Variants in CSMD1 observed in about 807,000 individuals in gnomAD.
The protein encoded by CSMD1 is CUB and sushi domain-containing protein 1.
A neutral mutation model predicts 417.5 loss-of-function variants in CSMD1; 213 were observed. The observed-to-expected ratio is 0.51, with a 90% CI of 0.46 to 0.57. The LOEUF (loss-of-function observed/expected upper bound fraction) is 0.57. CSMD1 is among the 20% of genes least tolerant of loss of function. The probability of loss-of-function intolerance (pLI) is 0.00; values close to 1 mark genes in which losing one functional copy is unlikely to be tolerated. For missense variants in CSMD1, 6,923 were observed against 4,529.7 expected (o/e 1.53, Z -15.17); for synonymous variants, 2,862 against 1,736.8 (o/e 1.65, Z -16.11).
At chr8:4,036,913 G>C (rs1484529105) in intron 3 of CSMD1, among the ~76,000 whole-genome samples, 1 of 151,918 alleles carries the variant, frequency 6.6e-6, no homozygotes, top group Non-Finnish European at 1.5e-5. Flanking sequence ...TGCATGTTAG[G>C]CTCATTGGCA....
intron 3 of CSMD1, among the ~76,000 whole-genome samples, chr8:4,241,821 CT>C (rs1802423880): frequency 1.3e-5 from 2 of 152,000 alleles, no homozygotes; most frequent in East Asian, 1.9e-4. Flanking sequence ...CGCCATTCTC[CT>C]GTCTCAGCCT....
chr8:3,407,819 A>C, intron 14 of CSMD1, 80 bp downstream of exon 14: 1 of 1,229,444 alleles, frequency 8.1e-7, no homozygotes, highest in Non-Finnish European at 1.1e-6. Context: ...TTGAAATGCA[A>C]CTTCACATAC....
chr8:3,141,132 A>G (rs749650459), intron 41 of CSMD1, among the ~76,000 whole-genome samples: 42 of 152,036 alleles, frequency 2.8e-4, no homozygotes, highest in Middle Eastern at 3.4e-3. Context: ...TGATGATGAG[A>G]CTCCCCAGTT....
At chr8:3,981,931 G>C (rs985356656) in intron 5 of CSMD1, among the ~76,000 whole-genome samples, 2 of 152,030 alleles carry the variant, frequency 1.3e-5, no homozygotes, top group Non-Finnish European at 2.9e-5. Flanking sequence ...CGGCACTTTG[G>C]GAGGCCGAGG....
intron 18 of CSMD1, 104 bp downstream of exon 18, chr8:3,387,390 C>G (rs1242289345): frequency 6.6e-6 from 6 of 902,366 alleles, no homozygotes; most frequent in East Asian, 2.7e-5. Context: ...TCACGCCAGT[C>G]GTAAGGTACC....
At chr8:4,590,229 G>C (rs1290645372) in intron 2 of CSMD1, among the ~76,000 whole-genome samples, 1 of 152,026 alleles carries the variant, frequency 6.6e-6, no homozygotes, top group Non-Finnish European at 1.5e-5. Context: ...TGTTACAAGA[G>C]TAGTGTCTAG....
At chr8:4,197,500 C>A (rs1461102901) in intron 3 of CSMD1, among the ~76,000 whole-genome samples, 2 of 152,330 alleles carry the variant, frequency 1.3e-5, no homozygotes, top group African/African-American at 4.8e-5. Flanking sequence ...AACTGACTCT[C>A]TGTCAAGTAA....
intron 1 of CSMD1, among the ~76,000 whole-genome samples, chr8:4,971,970 A>G (rs1810265725): frequency 6.6e-6 from 1 of 152,076 alleles, no homozygotes; most frequent in African/African-American, 2.4e-5. Context: ...GATAATAAAC[A>G]GGTGTTAGTG....
At chr8:2,942,629 T>A (rs1801959908) in intron 68 of CSMD1, 25 bp from the exon 69 acceptor site, 2 of 1,533,010 alleles carry the variant, frequency 1.3e-6, no homozygotes, top group Non-Finnish European at 1.8e-6. Flanking sequence ...AAATATTAAA[T>A]TTGTTGTTAC....
chr8:4,910,387 T>C (rs1805581254), intron 1 of CSMD1, among the ~76,000 whole-genome samples: 1 of 152,210 alleles, frequency 6.6e-6, no homozygotes, highest in African/African-American at 2.4e-5. Flanking sequence ...ACTGGATTGC[T>C]TATAAACAAT....
At chr8:3,208,556 C>T (rs148974538) in intron 30 of CSMD1, among the ~76,000 whole-genome samples, 361 of 152,238 alleles carry the variant, frequency 2.4e-3, no homozygotes, top group African/African-American at 8.4e-3. Context: ...TGAGCCACCA[C>T]GCCCGGCCAT....
At chr8:4,852,542 T>G (rs1023955659) in intron 1 of CSMD1, among the ~76,000 whole-genome samples, 9 of 152,164 alleles carry the variant, frequency 5.9e-5, no homozygotes, top group South Asian at 4.2e-4. Flanking sequence ...GCCTTGGGTA[T>G]TTCTACATGG....
intron 5 of CSMD1, among the ~76,000 whole-genome samples, chr8:3,897,702 A>T (rs2627428): frequency 6.6e-6 from 1 of 152,066 alleles, no homozygotes; most frequent in Non-Finnish European, 1.5e-5. Context: ...TCATGCCCAT[A>T]ATCCCGTGAG....
intron 10 of CSMD1, among the ~76,000 whole-genome samples, chr8:3,532,607 T>C (rs373343170): frequency 2.0e-4 from 30 of 152,210 alleles, no homozygotes; most frequent in South Asian, 8.3e-4. Context: ...TTTGGTGTTA[T>C]TGTAGATTTA....
intron 4 of CSMD1, among the ~76,000 whole-genome samples, chr8:4,007,707 T>C (rs572498232): frequency 3.3e-5 from 5 of 152,086 alleles, no homozygotes; most frequent in Middle Eastern, 3.4e-3. Context: ...TGAATGAAAA[T>C]TGAATGACTC....
At chr8:3,518,440 A>T (rs1797370973) in intron 10 of CSMD1, among the ~76,000 whole-genome samples, 1 of 152,230 alleles carries the variant, frequency 6.6e-6, no homozygotes, top group African/African-American at 2.4e-5. Flanking sequence ...ATCTGCTTTT[A>T]AAATTCTGAC....
chr8:4,544,640 G>A (rs960531693), intron 2 of CSMD1, among the ~76,000 whole-genome samples: 1 of 152,148 alleles, frequency 6.6e-6, no homozygotes, highest in African/African-American at 2.4e-5. Context: ...TTTAACTATA[G>A]TTGGTAAGAT....
At chr8:4,412,375 G>T (rs943855851) in intron 3 of CSMD1, among the ~76,000 whole-genome samples, 1 of 152,044 alleles carries the variant, frequency 6.6e-6, no homozygotes, top group Non-Finnish European at 1.5e-5. Flanking sequence ...TCCTCCCCTT[G>T]CTTCCGCATT....
intron 3 of CSMD1, among the ~76,000 whole-genome samples, chr8:4,168,590 G>C (rs1160147238): frequency 1.3e-5 from 2 of 151,958 alleles, no homozygotes; most frequent in Admixed American, 6.6e-5. Context: ...GCTTTGCAGG[G>C]ACAAAACGCT....
Sources: gnomAD v4.1 joint callset for allele counts (sites outside exome capture counted in the v4.1 genomes callset) on GRCh38, gnomAD v4.1.1 for gene constraint, MANE v1.5 for transcripts, NCBI Gene and HGNC (gene_info 2026-07-23, HGNC 2026-07-21) for gene names.